The following ENTREP2 variants were observed in gnomAD, a reference collection of about 807,000 sequenced individuals.
ENTREP2 encodes the protein protein ENTREP2.
the ENTREP2 span, among the ~76,000 whole-genome samples, chr15:29,153,265 T>C: frequency 6.6e-6 from 1 of 152,176 alleles, no homozygotes; most frequent in Non-Finnish European, 1.5e-5. Flanking sequence ...TTTTCATGTT[T>C]CACATAGAGT....
chr15:29,287,523 A>C, the ENTREP2 span, among the ~76,000 whole-genome samples: 6 of 152,200 alleles, frequency 3.9e-5, no homozygotes, highest in Non-Finnish European at 8.8e-5. Context: ...ACTCAATCAC[A>C]ATACCACACA....
the ENTREP2 span, among the ~76,000 whole-genome samples, chr15:29,224,285 A>G: frequency 6.6e-6 from 1 of 152,088 alleles, no homozygotes; most frequent in African/African-American, 2.4e-5. Context: ...AGACCTTCGC[A>G]GTGAGTGTTA....
the ENTREP2 span, among the ~76,000 whole-genome samples, chr15:29,509,110 G>A: frequency 6.6e-6 from 1 of 152,102 alleles, no homozygotes; most frequent in African/African-American, 2.4e-5. Context: ...ACCAATAATA[G>A]ACAAACAGAG....
chr15:29,279,990 A>G, the ENTREP2 span, among the ~76,000 whole-genome samples: 1 of 152,176 alleles, frequency 6.6e-6, no homozygotes, highest in Admixed American at 6.5e-5. Context: ...TTTCCTTAGT[A>G]TGAAAAACTG....
the ENTREP2 span, among the ~76,000 whole-genome samples, chr15:29,292,765 C>G: frequency 6.6e-6 from 1 of 152,136 alleles, no homozygotes; most frequent in African/African-American, 2.4e-5. Context: ...TATAAGGTCT[C>G]CATCTAGAAG....
At chr15:29,191,232 T>C in the ENTREP2 span, among the ~76,000 whole-genome samples, 1 of 152,100 alleles carries the variant, frequency 6.6e-6, no homozygotes, top group Non-Finnish European at 1.5e-5. Context: ...GAGGAAGAAG[T>C]ATCTATAATT....
chr15:29,548,166 T>C, the ENTREP2 span, among the ~76,000 whole-genome samples: 1 of 152,040 alleles, frequency 6.6e-6, no homozygotes, highest in African/African-American at 2.4e-5. Context: ...ACACTTACAA[T>C]GGATAAGATG....
At chr15:29,482,472 C>A in the ENTREP2 span, among the ~76,000 whole-genome samples, 1 of 152,192 alleles carries the variant, frequency 6.6e-6, no homozygotes. Context: ...GACAGTTTCA[C>A]TGCTCTCTGT....
At chr15:29,308,213 TA>T in the ENTREP2 span, among the ~76,000 whole-genome samples, 5 of 152,006 alleles carry the variant, frequency 3.3e-5, no homozygotes, top group Non-Finnish European at 7.4e-5. Context: ...CCGTCTCTAC[TA>T]AAAATACAAA....
chr15:29,569,520 GCGATGTATTTCAGCA>G, the ENTREP2 span: 11 of 152,336 alleles, frequency 7.2e-5, no homozygotes, highest in South Asian at 2.1e-4. Flanking sequence ...ACAAGCCTAT[GCGATGTATTTCAGCA>G]CGATCCACCA....
chr15:29,364,728 A>AT, the ENTREP2 span, among the ~76,000 whole-genome samples: 1 of 152,082 alleles, frequency 6.6e-6, no homozygotes, highest in African/African-American at 2.4e-5. Flanking sequence ...GCCTTTAAAA[A>AT]TTTTTTTTAA....
chr15:29,472,428 A>AACACACAC, the ENTREP2 span, among the ~76,000 whole-genome samples: 13,623 of 140,538 alleles, frequency 0.097, 739 homozygotes, highest in Admixed American at 0.14. Flanking sequence ...CACAACACAC[A>AACACACAC]ACACACACAC....
At chr15:29,252,368 C>G in the ENTREP2 span, 1 of 1,542,268 alleles carries the variant, frequency 6.5e-7, no homozygotes, top group Non-Finnish European at 8.8e-7. Context: ...CATTACTTAC[C>G]AACTGGCAGC....
At chr15:29,667,333 G>A in the ENTREP2 span, among the ~76,000 whole-genome samples, 16 of 150,816 alleles carry the variant, frequency 1.1e-4, no homozygotes, top group Admixed American at 3.3e-4. Context: ...GACTACAGGC[G>A]CCCACCACCA....
the ENTREP2 span, among the ~76,000 whole-genome samples, chr15:29,664,028 CA>C: frequency 0.19 from 19,602 of 100,700 alleles, 2,410 homozygotes; most frequent in African/African-American, 0.41. Flanking sequence ...AACTCCATCT[CA>C]AAAAAAAAAA....
chr15:29,632,695 A>G, the ENTREP2 span, among the ~76,000 whole-genome samples: 1 of 152,168 alleles, frequency 6.6e-6, no homozygotes, highest in Non-Finnish European at 1.5e-5. Context: ...TGAAGCAGGG[A>G]GAATTGCTTC....
the ENTREP2 span, among the ~76,000 whole-genome samples, chr15:29,385,034 G>T: frequency 8.0e-4 from 122 of 152,132 alleles, no homozygotes; most frequent in African/African-American, 2.9e-3. Context: ...CCTCACTCAC[G>T]AAGAGCCTAG....
chr15:29,355,407 C>A, the ENTREP2 span, among the ~76,000 whole-genome samples: 1 of 151,546 alleles, frequency 6.6e-6, no homozygotes, highest in South Asian at 2.1e-4. Context: ...TTTAAAGGTC[C>A]CATTGGCTTT....
the ENTREP2 span, among the ~76,000 whole-genome samples, chr15:29,664,985 T>G: frequency 3.7e-4 from 56 of 152,188 alleles, no homozygotes; most frequent in African/African-American, 1.2e-3. Flanking sequence ...CTGAAGTCCT[T>G]AAGTCTCTCT....
Sources: allele counts gnomAD v4.1 joint callset (sites outside exome capture counted in the v4.1 genomes callset), GRCh38; gene constraint gnomAD v4.1.1; transcripts MANE v1.5; gene names NCBI Gene and HGNC (gene_info 2026-07-23, HGNC 2026-07-21).